Variants in CLEC16A observed in about 807,000 individuals in gnomAD.
The protein encoded by CLEC16A is protein CLEC16A.
Under a neutral mutation model 109.5 loss-of-function variants are expected in CLEC16A, and 51 were observed. The ratio of observed to expected loss-of-function variants is 0.47; its 90% CI spans 0.37 to 0.59. The LOEUF (loss-of-function observed/expected upper bound fraction) is 0.59, where lower values mean the gene tolerates loss of function less well. Ranked by LOEUF, CLEC16A falls within the 20% of genes least tolerant of loss-of-function variation. The pLI is 0.00. For synonymous variants in CLEC16A, 673 were observed against 564.2 expected (o/e 1.19, Z -2.73); for missense variants, 1,339 against 1,394.0 (o/e 0.96, Z 0.63).
At chr16:11,002,236 A>G (rs2044709662) in intron 10 of CLEC16A, among the ~76,000 whole-genome samples, 1 of 152,206 alleles carries the variant, frequency 6.6e-6, no homozygotes, top group Non-Finnish European at 1.5e-5. Context: ...GTGAGATCAT[A>G]TAGTCAGAGC....
At chr16:11,077,749 G>A (rs903813591) in intron 19 of CLEC16A, among the ~76,000 whole-genome samples, 7 of 152,236 alleles carry the variant, frequency 4.6e-5, no homozygotes, top group South Asian at 2.1e-4. Flanking sequence ...AGCACAATGC[G>A]TGGTGCTGCA....
At chr16:11,136,859 GT>G (rs1301743651) in intron 22 of CLEC16A, among the ~76,000 whole-genome samples, 1 of 152,238 alleles carries the variant, frequency 6.6e-6, no homozygotes, top group African/African-American at 2.4e-5. Context: ...GAGCCAGGCA[GT>G]CCCCCGGAGC....
intron 19 of CLEC16A, among the ~76,000 whole-genome samples, chr16:11,089,126 G>A (rs368290018): frequency 2.0e-5 from 3 of 152,152 alleles, no homozygotes; most frequent in African/African-American, 4.8e-5. Context: ...GCCTCGGGCT[G>A]TCTTGTTCAC....
At chr16:11,103,294 C>G (rs943020297) in intron 19 of CLEC16A, among the ~76,000 whole-genome samples, 1 of 152,186 alleles carries the variant, frequency 6.6e-6, no homozygotes, top group African/African-American at 2.4e-5. Flanking sequence ...AAAACATTAC[C>G]TCCTGACTGG....
intron 21 of CLEC16A, among the ~76,000 whole-genome samples, chr16:11,125,605 G>C (rs955026599): frequency 2.0e-5 from 3 of 152,194 alleles, no homozygotes; most frequent in African/African-American, 7.2e-5. Context: ...AACTCTCTGG[G>C]CAGACTCGGC....
chr16:11,051,695 C>T, intron 18 of CLEC16A, 54 bp downstream of exon 18: 1 of 1,596,776 alleles, frequency 6.3e-7, no homozygotes, highest in Non-Finnish European at 8.6e-7. Context: ...CAGAACCACT[C>T]CCAGACCAGG....
At chr16:10,988,966 G>A (rs762533849) in intron 10 of CLEC16A, among the ~76,000 whole-genome samples, 17 of 152,286 alleles carry the variant, frequency 1.1e-4, no homozygotes, top group African/African-American at 2.6e-4. Flanking sequence ...CTGGGCTTAC[G>A]AGCTGTCTCT....
At chr16:11,029,970 CAG>C (rs1158460658) in intron 13 of CLEC16A, among the ~76,000 whole-genome samples, 2 of 152,198 alleles carry the variant, frequency 1.3e-5, no homozygotes, top group East Asian at 3.8e-4. Flanking sequence ...TTTGTATAAA[CAG>C]AGTCATGCAA....
chr16:11,024,754 G>A, intron 12 of CLEC16A, 67 bp from the exon 13 acceptor site: 1 of 1,254,018 alleles, frequency 8.0e-7, no homozygotes, highest in South Asian at 1.3e-5. Context: ...CCCATGTGCA[G>A]GTTAGAGAGG....
chr16:10,971,093 A>G lies in CLEC16A; in HGVS notation c.493-32A>G, dbSNP rs200366711. The G allele has an allele frequency of 1.6e-4, 233 of 1,470,010 alleles. No homozygotes were observed. In the African/African-American group the frequency reaches 2.8e-3, roughly 17 times the overall value. 91.1% of individuals were successfully genotyped at this position (1,470,010 alleles called of 1,614,324 possible). On this transcript the variant is annotated intron_variant, in intron 4 of 23. Transcript: ENST00000409790. ...GGGGCCAGGCCTGGCTTATGGGCTT[A>G]TAATTTGTTTTCGTTATTTCTTTTG...
chr16:11,092,359 C>T (rs1400448392), intron 19 of CLEC16A, among the ~76,000 whole-genome samples: 1 of 99,964 alleles, frequency 1.0e-5, no homozygotes, highest in African/African-American at 4.6e-5. Context: ...CAAACAAAAA[C>T]AAACACACAC....
chr16:11,103,919 G>A (rs1353743260), intron 19 of CLEC16A, among the ~76,000 whole-genome samples: 4 of 152,230 alleles, frequency 2.6e-5, no homozygotes, highest in Non-Finnish European at 4.4e-5. Flanking sequence ...ATCTGGGTTG[G>A]ATGTTAGCAG....
intron 19 of CLEC16A, among the ~76,000 whole-genome samples, chr16:11,102,183 C>T (rs554434971): frequency 1.0e-3 from 154 of 152,218 alleles, no homozygotes; most frequent in Non-Finnish European, 2.0e-3. Flanking sequence ...ATGGCTGAAA[C>T]GTAGTTTAAA....
intron 2 of CLEC16A, among the ~76,000 whole-genome samples, chr16:10,958,636 G>A (rs2042104948): frequency 6.6e-6 from 1 of 152,244 alleles, no homozygotes; most frequent in Admixed American, 6.5e-5. Context: ...AGGCGCGGTG[G>A]CTCACACCTG....
At chr16:11,112,258 C>T (rs140543860) in intron 19 of CLEC16A, among the ~76,000 whole-genome samples, 1 of 152,200 alleles carries the variant, frequency 6.6e-6, no homozygotes, top group African/African-American at 2.4e-5. Context: ...TGCAGAGGGG[C>T]ACAGGAGACA....
At chr16:10,986,011 A>ATTTTTTTT (rs1351241912) in intron 10 of CLEC16A, among the ~76,000 whole-genome samples, 4 of 82,730 alleles carry the variant, frequency 4.8e-5, no homozygotes, top group African/African-American at 2.4e-4. Flanking sequence ...TGGCCTGCAG[A>ATTTTTTTT]ATTTTTTTTT....
chr16:11,162,374 G>A (rs970719945), intron 22 of CLEC16A, among the ~76,000 whole-genome samples: 4 of 152,258 alleles, frequency 2.6e-5, no homozygotes, highest in African/African-American at 9.6e-5. Flanking sequence ...TTAGGATCGG[G>A]AGCTTGAGTC....
At chr16:11,080,440 C>G (rs149791424) in intron 19 of CLEC16A, among the ~76,000 whole-genome samples, 1 of 152,186 alleles carries the variant, frequency 6.6e-6, no homozygotes. Flanking sequence ...TGGGGAAGGG[C>G]CTTCCAGGCA....
chr16:11,025,715 A>T (rs1410449157), intron 13 of CLEC16A, among the ~76,000 whole-genome samples: 1 of 151,282 alleles, frequency 6.6e-6, no homozygotes, highest in African/African-American at 2.4e-5. Context: ...AAGACAGCCT[A>T]TGGCTAGAGG....
Sources: gnomAD v4.1 joint callset for allele counts (sites outside exome capture counted in the v4.1 genomes callset) on GRCh38, gnomAD v4.1.1 for gene constraint, MANE v1.5 for transcripts, NCBI Gene and HGNC (gene_info 2026-07-23, HGNC 2026-07-21) for gene names.